The following RNF180 variants were observed in gnomAD, a reference collection of about 807,000 sequenced individuals.
RNF180 encodes the protein ring finger protein 180, also known as E3 ubiquitin-protein ligase RNF180.
A neutral mutation model predicts 59.2 loss-of-function variants in RNF180; 38 were observed. The observed-to-expected ratio is 0.64, with a 90% CI of 0.50 to 0.84. The LOEUF is 0.84. Ranked by LOEUF, RNF180 falls within the 40% of genes least tolerant of loss-of-function variation. RNF180 has a pLI of 0.00. For missense variants in RNF180, 705 were observed against 700.9 expected, an observed-to-expected ratio of 1.01 and a Z score of -0.07; for synonymous variants, 262 against 240.3, an observed-to-expected ratio of 1.09 and a Z score of -0.84.
chr5:64,200,682 A>C, intron 1 of RNF180, 126 bp from the exon 2 acceptor site: 32 of 688,748 alleles, frequency 4.6e-5, no homozygotes, highest in Non-Finnish European at 6.5e-5. Context: ...GATAACTGGT[A>C]GGTACCTTAA....
chr5:64,306,542 G>C (rs1209208650), intron 5 of RNF180, among the ~76,000 whole-genome samples: 1 of 151,488 alleles, frequency 6.6e-6, no homozygotes, highest in African/African-American at 2.4e-5. Context: ...AAAAAGATGT[G>C]ACCATACAAT....
intron 5 of RNF180, among the ~76,000 whole-genome samples, chr5:64,291,416 CTTTTTTT>C (rs1207692101): frequency 1.8e-4 from 13 of 71,794 alleles, no homozygotes; most frequent in Non-Finnish European, 2.6e-4. Context: ...AGTATGTTTT[CTTTTTTT>C]TTTTTTTTTT....
intron 5 of RNF180, among the ~76,000 whole-genome samples, chr5:64,275,131 T>C (rs1244990193): frequency 6.6e-6 from 1 of 151,670 alleles, no homozygotes; most frequent in Non-Finnish European, 1.5e-5. Flanking sequence ...TATGTTTCTT[T>C]AAGAATTAGA....
intron 4 of RNF180, among the ~76,000 whole-genome samples, chr5:64,215,837 T>G (rs1752594338): frequency 1.3e-5 from 2 of 152,206 alleles, no homozygotes; most frequent in African/African-American, 4.8e-5. Context: ...TACTTTGTAC[T>G]GTAAATATAT....
intron 1 of RNF180, 36 bp from the exon 2 acceptor site, chr5:64,200,772 G>GT: frequency 6.3e-7 from 1 of 1,587,268 alleles, no homozygotes; most frequent in Admixed American, 1.7e-5. Flanking sequence ...TTATCTGACA[G>GT]TTTAACATTC....
chr5:64,274,804 A>C (rs1741625255), intron 5 of RNF180, among the ~76,000 whole-genome samples: 1 of 151,972 alleles, frequency 6.6e-6, no homozygotes, highest in African/African-American at 2.4e-5. Context: ...TAGAGTGTAG[A>C]ATTTTGACTC....
chr5:64,307,142 G>T (rs1480183581), intron 5 of RNF180, among the ~76,000 whole-genome samples: 2 of 149,630 alleles, frequency 1.3e-5, no homozygotes, highest in Non-Finnish European at 3.0e-5. Flanking sequence ...TGTACCCTTT[G>T]CAGGCATTAA....
At chr5:64,281,406 T>G (rs1304940863) in intron 5 of RNF180, among the ~76,000 whole-genome samples, 1 of 152,248 alleles carries the variant, frequency 6.6e-6, no homozygotes, top group African/African-American at 2.4e-5. Flanking sequence ...CTTCCAGCTT[T>G]TGCCTATTCA....
chr5:64,327,261 G>GTTT (rs1744688184), intron 6 of RNF180, among the ~76,000 whole-genome samples: 1 of 151,682 alleles, frequency 6.6e-6, no homozygotes, highest in African/African-American at 2.4e-5. Context: ...TTTTGTTGTT[G>GTTT]TTTTCTTAGT....
chr5:64,268,226 G>C (rs1263003948), intron 5 of RNF180, among the ~76,000 whole-genome samples: 1 of 151,952 alleles, frequency 6.6e-6, no homozygotes, highest in Non-Finnish European at 1.5e-5. Context: ...ACCTTATTTG[G>C]GTTTTACTTT....
At chr5:64,241,077 G>A (rs1477866008) in intron 5 of RNF180, among the ~76,000 whole-genome samples, 1 of 152,040 alleles carries the variant, frequency 6.6e-6, no homozygotes, top group African/African-American at 2.4e-5. Flanking sequence ...TCATATGTTG[G>A]TCTCTCCCAG....
chr5:64,297,655 C>T (rs1177747018), intron 5 of RNF180, among the ~76,000 whole-genome samples: 8 of 152,050 alleles, frequency 5.3e-5, no homozygotes, highest in African/African-American at 1.7e-4. Flanking sequence ...ATATTTAGGG[C>T]TTCTTAAAAG....
At chr5:64,326,350 C>A (rs916181283) in intron 6 of RNF180, among the ~76,000 whole-genome samples, 8 of 152,024 alleles carry the variant, frequency 5.3e-5, no homozygotes, top group South Asian at 2.1e-4. Context: ...TTAACTAAAT[C>A]TTATTTAATA....
chr5:64,208,512 T>TA (rs1289599906), intron 2 of RNF180, among the ~76,000 whole-genome samples: 4 of 152,036 alleles, frequency 2.6e-5, no homozygotes, highest in Non-Finnish European at 5.9e-5. Context: ...TGTGTGATTT[T>TA]AAAAAATTAA....
At chr5:64,278,290 A>T (rs887414744) in intron 5 of RNF180, among the ~76,000 whole-genome samples, 5 of 152,258 alleles carry the variant, frequency 3.3e-5, no homozygotes, top group African/African-American at 1.2e-4. Context: ...GATTTACCTG[A>T]TGTGTAAATC....
intron 5 of RNF180, among the ~76,000 whole-genome samples, chr5:64,257,667 T>A (rs977274803): frequency 5.3e-5 from 8 of 152,196 alleles, no homozygotes; most frequent in Admixed American, 1.3e-4. Context: ...AAATTCTCTT[T>A]TTTGTGTGTG....
At chr5:64,352,323 A>G (rs952965359) in intron 7 of RNF180, among the ~76,000 whole-genome samples, 3 of 151,922 alleles carry the variant, frequency 2.0e-5, no homozygotes, top group East Asian at 1.9e-4. Context: ...CTAGCAGTCT[A>G]TCAATTTTGT....
intron 5 of RNF180, among the ~76,000 whole-genome samples, chr5:64,259,385 C>T (rs1580130015): frequency 6.6e-6 from 1 of 152,064 alleles, no homozygotes; most frequent in Admixed American, 6.6e-5. Context: ...TCTAGAGAAG[C>T]AGAATACTCT....
intron 5 of RNF180, among the ~76,000 whole-genome samples, chr5:64,297,156 T>G (rs1470725248): frequency 6.6e-6 from 1 of 152,072 alleles, no homozygotes; most frequent in East Asian, 1.9e-4. Context: ...TTACTCTGAT[T>G]ATTAGTCTCA....
Sources: gnomAD v4.1 joint callset for allele counts (sites outside exome capture counted in the v4.1 genomes callset) on GRCh38, gnomAD v4.1.1 for gene constraint, MANE v1.5 for transcripts, NCBI Gene and HGNC (gene_info 2026-07-23, HGNC 2026-07-21) for gene names.